Variants in PLXNA4 observed in about 807,000 individuals in gnomAD.
PLXNA4 encodes plexin-A4.
A neutral mutation model predicts 191.8 loss-of-function variants in PLXNA4; 44 were observed. The observed-to-expected ratio is 0.23, with a 90% CI of 0.18 to 0.29. PLXNA4 has a LOEUF of 0.29. Ranked by LOEUF, PLXNA4 falls within the 10% of genes least tolerant of loss-of-function variation. The pLI is 1.00. For synonymous variants in PLXNA4, 1,082 were observed against 1,009.5 expected (o/e 1.07, Z -1.36); for missense variants, 1,800 against 2,488.8 (o/e 0.72, Z 5.89).
chr7:132,567,862 C>A (rs1320047912), intron 1 of PLXNA4, among the ~76,000 whole-genome samples: 2 of 152,176 alleles, frequency 1.3e-5, no homozygotes, highest in Non-Finnish European at 2.9e-5. Flanking sequence ...CTGACCCTAC[C>A]TTCTGGGAGC....
At chr7:132,304,318 T>C (rs778760747) in intron 3 of PLXNA4, among the ~76,000 whole-genome samples, 2 of 152,136 alleles carry the variant, frequency 1.3e-5, no homozygotes, top group Admixed American at 6.5e-5. Context: ...TCAGCCCCCG[T>C]AGATAGTTCC....
At chr7:132,553,610 T>C (rs189577957) in intron 1 of PLXNA4, among the ~76,000 whole-genome samples, 6 of 152,270 alleles carry the variant, frequency 3.9e-5, no homozygotes, top group South Asian at 2.1e-4. Context: ...ACTCCCTCCA[T>C]TGACGTGCTA....
intron 1 of PLXNA4, among the ~76,000 whole-genome samples, chr7:132,518,204 T>G (rs1269696416): frequency 6.6e-6 from 1 of 152,194 alleles, no homozygotes; most frequent in Non-Finnish European, 1.5e-5. Context: ...TTGCCCCTTG[T>G]TGCTAGCTAT....
At chr7:132,564,361 C>T (rs1254978390) in intron 1 of PLXNA4, among the ~76,000 whole-genome samples, 1 of 145,450 alleles carries the variant, frequency 6.9e-6, no homozygotes, top group Non-Finnish European at 1.5e-5. Flanking sequence ...TCCTCTTTCT[C>T]CTCCTCCTCC....
At chr7:132,448,382 C>T (rs558446691) in intron 3 of PLXNA4, among the ~76,000 whole-genome samples, 115 of 152,306 alleles carry the variant, frequency 7.6e-4, no homozygotes, top group Non-Finnish European at 1.2e-3. Flanking sequence ...AGTTTGCGAA[C>T]ACCAGGGTAG....
Position 132,551,758 on chromosome 7 carries a change from G to A in PLXNA4, c.-87+24664C>T, listed in dbSNP as rs184064724. On this transcript the variant is annotated intron_variant, in intron 1 of 31. Transcript: ENST00000321063. ...TGTCAGCTAAAGTGATTTAAGCCCC[G>A]GAAAAACCTCTGTGTCCTTTTAACA... is the stretch of plus-strand genomic sequence containing the variant. Among the ~76,000 whole-genome samples, 341 of 152,220 alleles carry A rather than the reference G, an allele frequency of 2.2e-3. 1 individual carries two copies. Among genetic ancestry groups the A allele is most frequent in the Non-Finnish European group, 3.0e-3 (205 of 68,004 alleles).
intron 4 of PLXNA4, among the ~76,000 whole-genome samples, chr7:132,254,570 G>A (rs568453967): frequency 8.5e-5 from 13 of 152,294 alleles, no homozygotes; most frequent in South Asian, 2.1e-4. Context: ...GCTCAGCAAC[G>A]TCCCTTCTTG....
At chr7:132,303,248 AT>A (rs201091759) in intron 3 of PLXNA4, among the ~76,000 whole-genome samples, 97,551 of 129,794 alleles carry the variant, frequency 0.75, 36,691 homozygotes, top group Middle Eastern at 0.85. Flanking sequence ...ACAGAAGTTG[AT>A]TTTTTTTTTT....
At chr7:132,425,557 G>A (rs1228610130) in intron 3 of PLXNA4, among the ~76,000 whole-genome samples, 1 of 151,794 alleles carries the variant, frequency 6.6e-6, no homozygotes, top group Non-Finnish European at 1.5e-5. Flanking sequence ...TCCCCACCTT[G>A]AGCCCTGCCT....
chr7:132,429,366 G>A (rs1268350009), intron 3 of PLXNA4, among the ~76,000 whole-genome samples: 1 of 151,488 alleles, frequency 6.6e-6, no homozygotes, highest in Non-Finnish European at 1.5e-5. Flanking sequence ...TTGCCCTCTA[G>A]AGTAAAGATG....
intron 10 of PLXNA4, among the ~76,000 whole-genome samples, chr7:132,204,106 A>T (rs890271719): frequency 3.9e-5 from 6 of 152,188 alleles, no homozygotes; most frequent in African/African-American, 9.7e-5. Context: ...GCAGACAGTC[A>T]CCAGCTCAAA....
At chr7:132,266,576 A>G (rs1290920819) in intron 4 of PLXNA4, among the ~76,000 whole-genome samples, 2 of 152,172 alleles carry the variant, frequency 1.3e-5, no homozygotes, top group Admixed American at 1.3e-4. Flanking sequence ...TTTTCCACAT[A>G]TTCACTTGGA....
intron 2 of PLXNA4, among the ~76,000 whole-genome samples, chr7:132,612,218 G>A (rs1175845509): frequency 6.6e-6 from 1 of 152,140 alleles, no homozygotes; most frequent in Non-Finnish European, 1.5e-5. Flanking sequence ...AACTGCAGAG[G>A]ACACTGGGAA....
At chr7:132,233,714 C>A (rs2117006476) in intron 5 of PLXNA4, among the ~76,000 whole-genome samples, 1 of 152,322 alleles carries the variant, frequency 6.6e-6, no homozygotes, top group Non-Finnish European at 1.5e-5. Flanking sequence ...CCTTTCTGGG[C>A]TTATATAGCA....
intron 3 of PLXNA4, among the ~76,000 whole-genome samples, chr7:132,478,984 A>G (rs561051655): frequency 3.0e-4 from 45 of 152,276 alleles, no homozygotes; most frequent in African/African-American, 9.9e-4. Flanking sequence ...AAAAAGTCTC[A>G]TGGCCAGACA....
At chr7:132,333,808 T>C (rs1458181749) in intron 3 of PLXNA4, among the ~76,000 whole-genome samples, 5 of 152,180 alleles carry the variant, frequency 3.3e-5, no homozygotes, top group Non-Finnish European at 5.9e-5. Context: ...AGCTTTGTCA[T>C]AGGCCTTGTC....
chr7:132,157,166 C>A (rs1795823023), intron 25 of PLXNA4, among the ~76,000 whole-genome samples: 1 of 152,198 alleles, frequency 6.6e-6, no homozygotes, highest in African/African-American at 2.4e-5. Flanking sequence ...GGAGCTTGAA[C>A]ATTCATGGTG....
At chr7:132,175,656 G>T (rs1215776494) in intron 20 of PLXNA4, among the ~76,000 whole-genome samples, 1 of 152,164 alleles carries the variant, frequency 6.6e-6, no homozygotes, top group Non-Finnish European at 1.5e-5. Flanking sequence ...ATGCAGTAGA[G>T]CCTCAGGCTG....
chr7:132,435,260 C>T (rs1016892585), intron 3 of PLXNA4, among the ~76,000 whole-genome samples: 2 of 151,918 alleles, frequency 1.3e-5, no homozygotes, highest in African/African-American at 4.8e-5. Context: ...ACCCATAGCC[C>T]CAGGGGAAAA....
Sources: allele counts gnomAD v4.1 joint callset (sites outside exome capture counted in the v4.1 genomes callset), GRCh38; gene constraint gnomAD v4.1.1; transcripts MANE v1.5; gene names NCBI Gene and HGNC (gene_info 2026-07-23, HGNC 2026-07-21).